The following NR6A1 variants were observed in gnomAD, a reference collection of about 807,000 sequenced individuals.
The protein encoded by NR6A1 is nuclear receptor subfamily 6 group A member 1, also known as retinoic acid receptor-related testis-associated receptor.
A neutral mutation model predicts 59.1 loss-of-function variants in NR6A1; 7 were observed. That is an observed-to-expected ratio of 0.12 (90% CI 0.07 to 0.22). The LOEUF (loss-of-function observed/expected upper bound fraction) is 0.22. NR6A1 is among the 10% of genes least tolerant of loss of function. The pLI, the probability that NR6A1 is intolerant of heterozygous loss-of-function variation, is 1.00. For synonymous variants in NR6A1, 243 were observed against 236.1 expected, an observed-to-expected ratio of 1.03 and a Z score of -0.27; for missense variants, 468 against 611.6, an observed-to-expected ratio of 0.77 and a Z score of 2.48.
At chr9:124,704,647 G>A (rs1839069509) in intron 2 of NR6A1, among the ~76,000 whole-genome samples, 1 of 152,040 alleles carries the variant, frequency 6.6e-6, no homozygotes, top group African/African-American at 2.4e-5. Context: ...CAAATATCCA[G>A]GCATTATAAA....
intron 2 of NR6A1, among the ~76,000 whole-genome samples, chr9:124,726,004 A>G (rs2131108390): frequency 6.6e-6 from 1 of 152,322 alleles, no homozygotes; most frequent in South Asian, 2.1e-4. Flanking sequence ...AGGGTTTTTA[A>G]CAGAAATGAA....
At chr9:124,647,712 G>C (rs1162873423) in intron 2 of NR6A1, among the ~76,000 whole-genome samples, 3 of 137,138 alleles carry the variant, frequency 2.2e-5, no homozygotes, top group Non-Finnish European at 4.6e-5. Context: ...GGGCAACAGA[G>C]TGAGACCGTC....
chr9:124,537,127 G>T (rs1833292450), intron 6 of NR6A1, among the ~76,000 whole-genome samples: 2 of 149,412 alleles, frequency 1.3e-5, no homozygotes, highest in South Asian at 4.2e-4. Flanking sequence ...GAGCTGGAGT[G>T]CAGTGGCGCA....
intron 2 of NR6A1, among the ~76,000 whole-genome samples, chr9:124,692,778 T>C (rs537577311): frequency 2.5e-4 from 38 of 152,356 alleles, no homozygotes; most frequent in Non-Finnish European, 3.7e-4. Context: ...TGATATCTAA[T>C]GTACCTACAT....
intron 2 of NR6A1, among the ~76,000 whole-genome samples, chr9:124,615,256 T>C (rs1835855572): frequency 6.6e-6 from 1 of 152,188 alleles, no homozygotes; most frequent in Non-Finnish European, 1.5e-5. Context: ...AGGATGCTTT[T>C]TACAGTAAGT....
intron 2 of NR6A1, among the ~76,000 whole-genome samples, chr9:124,618,150 G>A (rs918571732): frequency 6.6e-6 from 1 of 152,178 alleles, no homozygotes; most frequent in African/African-American, 2.4e-5. Flanking sequence ...AAACTGAGCT[G>A]GGGGCAAGGG....
chr9:124,660,648 C>CAAAAAAAAAAA (rs753242760), intron 2 of NR6A1, among the ~76,000 whole-genome samples: 3 of 92,814 alleles, frequency 3.2e-5, no homozygotes, highest in African/African-American at 4.0e-5. Context: ...TCTGAGAATA[C>CAAAAAAAAAAA]AAAAAAAAAA....
intron 2 of NR6A1, among the ~76,000 whole-genome samples, chr9:124,672,185 C>T (rs1304555894): frequency 6.6e-6 from 1 of 152,166 alleles, no homozygotes; most frequent in Non-Finnish European, 1.5e-5. Context: ...TTCTCCCACA[C>T]TTATTTGTCC....
chr9:124,647,724 C>CAAAAAAAAGAAAAAAAAA (rs1836974589), intron 2 of NR6A1, among the ~76,000 whole-genome samples: 1 of 56,070 alleles, frequency 1.8e-5, no homozygotes, highest in African/African-American at 5.2e-5. Flanking sequence ...GAGACCGTCT[C>CAAAAAAAAGAAAAAAAAA]AAAAAAAAAA....
intron 2 of NR6A1, among the ~76,000 whole-genome samples, chr9:124,622,120 G>A (rs932392678): frequency 1.3e-5 from 2 of 152,208 alleles, no homozygotes; most frequent in East Asian, 1.9e-4. Flanking sequence ...GCAGGCTGAG[G>A]TGAGAGGATC....
chr9:124,701,376 A>C (rs952943613), intron 2 of NR6A1, among the ~76,000 whole-genome samples: 5 of 152,166 alleles, frequency 3.3e-5, no homozygotes, highest in Non-Finnish European at 7.3e-5. Flanking sequence ...CCATGTTTTC[A>C]TATTTTTAAT....
rs143711796 is a variant in NR6A1, at chr9:124,633,600, C to T, written c.143-79030G>A. On this transcript the variant is annotated intron_variant, in intron 2 of 9. Transcript: ENST00000487099. ...AGATAAGCAGGGCCCCTGGTACTGT[C>T]ACCAGCCACAGTGGAGCCATTCTAG... 2.8e-3 allele frequency among the ~76,000 whole-genome samples: 423 copies of T among 152,220 alleles called. 11 individuals carry two copies. The highest frequency in any genetic ancestry group is 2.9e-3 in the Non-Finnish European group (197 of 68,018).
chr9:124,751,186 A>G (rs886284165), intron 1 of NR6A1, among the ~76,000 whole-genome samples: 2 of 152,236 alleles, frequency 1.3e-5, no homozygotes, highest in Non-Finnish European at 2.9e-5. Context: ...CAAACCATTA[A>G]CGACAAAATT....
chr9:124,677,073 A>G (rs1269327304), intron 2 of NR6A1, among the ~76,000 whole-genome samples: 1 of 152,172 alleles, frequency 6.6e-6, no homozygotes, highest in Non-Finnish European at 1.5e-5. Flanking sequence ...AAAAACATAA[A>G]AATTCCAAAT....
rs373073073 is a variant in NR6A1 at position 124,757,381 on chromosome 9, T to C, written c.100+13639A>G. 1.3e-3 allele frequency among the ~76,000 whole-genome samples: 197 copies of C among 151,564 alleles called. 1 individual carries two copies. The highest frequency in any genetic ancestry group is 4.4e-3 in the African/African-American group (181 of 41,242). Reference sequence around the variant, plus strand: ...ATAACTTGATGTTCAATGAGTGAAGTTTATAACAGGAGAAAAAACATTTAA... The same window carrying C: ...ATAACTTGATGTTCAATGAGTGAAGCTTATAACAGGAGAAAAAACATTTAA... On this transcript the variant is annotated intron_variant, in intron 1 of 9. Coordinates refer to ENST00000487099, the MANE Select transcript of NR6A1 (RefSeq NM_033334.4).
chr9:124,638,288 C>T (rs1020267587), intron 2 of NR6A1, among the ~76,000 whole-genome samples: 4 of 151,786 alleles, frequency 2.6e-5, no homozygotes, highest in Non-Finnish European at 4.4e-5. Flanking sequence ...AGTTCAAGGA[C>T]CCTTTGAAAT....
chr9:124,653,825 A>C (rs1837171646), intron 2 of NR6A1, among the ~76,000 whole-genome samples: 1 of 152,246 alleles, frequency 6.6e-6, no homozygotes, highest in Non-Finnish European at 1.5e-5. Flanking sequence ...AATAGTAAGA[A>C]AGTTCCTCTT....
chr9:124,574,821 G>T (rs1211993089), intron 2 of NR6A1, among the ~76,000 whole-genome samples: 1 of 152,140 alleles, frequency 6.6e-6, no homozygotes, highest in Non-Finnish European at 1.5e-5. Flanking sequence ...CTCCCTTTTG[G>T]ATACTACGTT....
chr9:124,626,069 C>T (rs1468314359), intron 2 of NR6A1, among the ~76,000 whole-genome samples: 3 of 152,224 alleles, frequency 2.0e-5, no homozygotes, highest in African/African-American at 7.2e-5. Flanking sequence ...TGCAGTGGTA[C>T]GATCTCAGCT....
Sources: gnomAD v4.1 joint callset for allele counts (sites outside exome capture counted in the v4.1 genomes callset) on GRCh38, gnomAD v4.1.1 for gene constraint, MANE v1.5 for transcripts, NCBI Gene and HGNC (gene_info 2026-07-23, HGNC 2026-07-21) for gene names.